PLCB1: variants seen among roughly 807,000 people sequenced by gnomAD.
The protein encoded by PLCB1 is phospholipase C beta 1.
A neutral mutation model predicts 161.8 loss-of-function variants in PLCB1; 46 were observed. That is an observed-to-expected ratio of 0.28 (90% CI 0.22 to 0.36). The LOEUF (loss-of-function observed/expected upper bound fraction) is 0.36, where lower values mean the gene tolerates loss of function less well. Among genes scored for constraint, PLCB1 ranks in the 10% least tolerant of loss-of-function variants. The pLI is 1.00. For synonymous variants in PLCB1, 517 were observed against 503.7 expected, an observed-to-expected ratio of 1.03 and a Z score of -0.35; for missense variants, 1,016 against 1,472.5, an observed-to-expected ratio of 0.69 and a Z score of 5.07.
intron 3 of PLCB1, among the ~76,000 whole-genome samples, chr20:8,529,275 C>T (rs1017846045): frequency 2.6e-5 from 4 of 151,926 alleles, no homozygotes; most frequent in African/African-American, 2.4e-5. Context: ...GTGTTCTTTA[C>T]GGCAGTATTA....
intron 3 of PLCB1, among the ~76,000 whole-genome samples, chr20:8,462,554 T>C (rs937683841): frequency 6.6e-6 from 1 of 152,222 alleles, no homozygotes; most frequent in Non-Finnish European, 1.5e-5. Flanking sequence ...TTAAGTGTTT[T>C]CTTTAGAACT....
chr20:8,398,591 C>T (rs1978393592), intron 3 of PLCB1, among the ~76,000 whole-genome samples: 1 of 152,176 alleles, frequency 6.6e-6, no homozygotes, highest in Non-Finnish European at 1.5e-5. Context: ...ACTCTCTAGT[C>T]TCTTTTTCCA....
intron 3 of PLCB1, among the ~76,000 whole-genome samples, chr20:8,459,177 A>T (rs1981459331): frequency 6.6e-6 from 1 of 152,166 alleles, no homozygotes; most frequent in Non-Finnish European, 1.5e-5. Flanking sequence ...AATTTACAGA[A>T]ATCTGTCTAC....
At chr20:8,662,725 G>A (rs979655092) in intron 9 of PLCB1, among the ~76,000 whole-genome samples, 9 of 151,428 alleles carry the variant, frequency 5.9e-5, no homozygotes, top group African/African-American at 1.9e-4. Flanking sequence ...AAGTTACTGG[G>A]TGAGGCAGAA....
intron 3 of PLCB1, among the ~76,000 whole-genome samples, chr20:8,471,334 A>G (rs1312562249): frequency 6.6e-6 from 1 of 152,130 alleles, no homozygotes; most frequent in African/African-American, 2.4e-5. Context: ...AAAACCCTTT[A>G]CTTTCCCTAA....
At chr20:8,385,682 C>T (rs895432632) in intron 3 of PLCB1, among the ~76,000 whole-genome samples, 1 of 152,308 alleles carries the variant, frequency 6.6e-6, no homozygotes. Context: ...CCATGGGTTG[C>T]ACAGTTCTGT....
intron 2 of PLCB1, among the ~76,000 whole-genome samples, chr20:8,153,692 G>A (rs2051531548): frequency 3.9e-5 from 6 of 152,108 alleles, no homozygotes; most frequent in Admixed American, 3.3e-4. Context: ...CCCTGCTTCT[G>A]TGCCAAGGTT....
Position 8,304,468 on chromosome 20 carries a change from A to G in PLCB1, c.178-66914A>G, listed in dbSNP as rs1415135249. Among the ~76,000 whole-genome samples, 5 of 151,906 alleles carry G rather than the reference A, an allele frequency of 3.3e-5. No homozygotes were observed. In the East Asian group the frequency reaches 9.8e-4, roughly 30 times the overall value. On this transcript the variant is annotated intron_variant, in intron 2 of 31. Coordinates refer to ENST00000338037, the MANE Select transcript of PLCB1 (RefSeq NM_015192.4). ...GCAAAAACGAATCCCCTGTTGCTTA[A>G]ATCCATTGAGCCTGGTTTATCCCTG...
At chr20:8,834,256 A>G (rs1986167463) in intron 31 of PLCB1, among the ~76,000 whole-genome samples, 1 of 152,184 alleles carries the variant, frequency 6.6e-6, no homozygotes, top group African/African-American at 2.4e-5. Flanking sequence ...AAAAGAAACT[A>G]CAGAGAATTA....
At chr20:8,497,357 A>G (rs1349014336) in intron 3 of PLCB1, among the ~76,000 whole-genome samples, 2 of 152,226 alleles carry the variant, frequency 1.3e-5, no homozygotes, top group African/African-American at 2.4e-5. Context: ...AAAATGATAT[A>G]TGAGGATTTA....
intron 2 of PLCB1, among the ~76,000 whole-genome samples, chr20:8,268,565 T>A (rs1218180155): frequency 6.6e-6 from 1 of 152,244 alleles, no homozygotes; most frequent in Non-Finnish European, 1.5e-5. Context: ...ATGGTTGAAC[T>A]AATTTACAGT....
At chr20:8,391,775 A>ATG (rs1568658846) in intron 3 of PLCB1, among the ~76,000 whole-genome samples, 1 of 74,806 alleles carries the variant, frequency 1.3e-5, no homozygotes, top group African/African-American at 5.4e-5. Context: ...ATATATATAT[A>ATG]TATGTGTGTG....
intron 2 of PLCB1, among the ~76,000 whole-genome samples, chr20:8,363,754 C>T (rs1986617977): frequency 6.6e-6 from 1 of 152,050 alleles, no homozygotes; most frequent in Middle Eastern, 3.2e-3. Context: ...GAGTTCTGCC[C>T]ACCAAAGGTA....
intron 3 of PLCB1, among the ~76,000 whole-genome samples, chr20:8,549,201 A>G (rs867963753): frequency 1.3e-5 from 2 of 152,144 alleles, no homozygotes; most frequent in Non-Finnish European, 2.9e-5. Context: ...ATAAATAAAT[A>G]TATATTTTTT....
intron 2 of PLCB1, among the ~76,000 whole-genome samples, chr20:8,209,216 G>T (rs199557931): frequency 1.1e-5 from 1 of 94,496 alleles, no homozygotes; most frequent in South Asian, 3.9e-4. Flanking sequence ...TTTTTTCTAA[G>T]TAAGTAAGTA....
At chr20:8,181,296 G>A (rs2051841763) in intron 2 of PLCB1, among the ~76,000 whole-genome samples, 1 of 149,614 alleles carries the variant, frequency 6.7e-6, no homozygotes, top group African/African-American at 2.4e-5. Context: ...CTAGAAAAAT[G>A]TATGTCAGAA....
intron 23 of PLCB1, among the ~76,000 whole-genome samples, chr20:8,754,770 A>G (rs546856924): frequency 3.2e-4 from 49 of 152,308 alleles, no homozygotes; most frequent in Non-Finnish European, 6.9e-4. Context: ...TTTCAAGGGA[A>G]GTAAGAAACC....
rs6039269 is a variant in PLCB1, at chr20:8,789,635, G to A, written c.3336+60G>A. 386,526 of 1,228,444 alleles carry A rather than the reference G, an allele frequency of 0.31. 61,999 individuals carry two copies. Among genetic ancestry groups the A allele is most frequent in the Middle Eastern group, 0.43 (2,286 of 5,330 alleles). The allele number at this position is 1,228,444 out of a possible 1,614,324, so 76.1% of individuals were successfully genotyped here. ...ACATGTGTGAACATTTGGTGAGCTC[G>A]CTGTGAGCTTCTGGAAGGAAATGTC... On this transcript the variant is annotated intron_variant, in intron 30 of 31. Coordinates refer to ENST00000338037, the MANE Select transcript of PLCB1 (RefSeq NM_015192.4).
At chr20:8,306,737 T>A (rs1055860171) in intron 2 of PLCB1, among the ~76,000 whole-genome samples, 3 of 152,224 alleles carry the variant, frequency 2.0e-5, no homozygotes, top group Non-Finnish European at 2.9e-5. Flanking sequence ...CCCAATTTTT[T>A]TGTTCAATTT....
Sources: allele counts gnomAD v4.1 joint callset (sites outside exome capture counted in the v4.1 genomes callset), GRCh38; gene constraint gnomAD v4.1.1; transcripts MANE v1.5; gene names NCBI Gene and HGNC (gene_info 2026-07-23, HGNC 2026-07-21).